Variants in COPB1 observed in about 807,000 individuals in gnomAD.
COPB1 encodes the protein coatomer subunit beta.
Under a neutral mutation model 108.7 loss-of-function variants are expected in COPB1, and 21 were observed. The observed-to-expected ratio is 0.19, with a 90% CI of 0.14 to 0.28. The LOEUF is 0.28. Among genes scored for constraint, COPB1 ranks in the 10% least tolerant of loss-of-function variants. COPB1 has a pLI of 1.00. For synonymous variants in COPB1, 378 were observed against 386.8 expected, an observed-to-expected ratio of 0.98 and a Z score of 0.27; for missense variants, 919 against 1,141.3, an observed-to-expected ratio of 0.81 and a Z score of 2.81.
intron 4 of COPB1, among the ~76,000 whole-genome samples, chr11:14,493,021 C>T (rs994910003): frequency 3.3e-5 from 5 of 152,072 alleles, no homozygotes; most frequent in African/African-American, 7.2e-5. Flanking sequence ...TGGTGGGTGC[C>T]TGTAATCCCA....
At position 14,494,331 on chromosome 11, in the gene COPB1, A is replaced by G; in HGVS notation, c.200T>C (p.Leu67Pro). Residue 67 changes from leucine to proline, a missense_variant, in exon 3 of 22, where the codon CTA (leucine) becomes CCA (proline). Coordinates refer to ENST00000439561, the MANE Select transcript of COPB1 (RefSeq NM_001144061.2). ...GLLMTIIRFV[L>P]PLQDHTIKKL... ...CTTGATAGTGTGATCCTGAAGAGGT[A>G]GCACAAAACGAATGATGGTCATCAG... The G allele has an allele frequency of 6.2e-7, 1 of 1,613,592 alleles. No individual in the cohort carries two copies. Among genetic ancestry groups the G allele is most frequent in the Non-Finnish European group, 8.5e-7 (1 of 1,179,566 alleles).
Position 14,457,597 on chromosome 11 carries a change from T to C in COPB1, c.*227A>G. On this transcript the variant is annotated 3_prime_UTR_variant, in exon 22 of 22. Transcript: ENST00000439561. ...GTACTGTGAAAAGGGTCTTGGTACATGAAACATTATATACTTTGAGGACAG... is the reference window on the plus strand; with the variant it reads ...GTACTGTGAAAAGGGTCTTGGTACACGAAACATTATATACTTTGAGGACAG... 1 of 393,782 alleles carries C rather than the reference T, an allele frequency of 2.5e-6. No individual in the cohort carries two copies. The highest frequency in any genetic ancestry group is 4.7e-6 in the Non-Finnish European group (1 of 210,804). 24.4% of individuals were successfully genotyped at this position (393,782 alleles called of 1,614,324 possible).
intron 16 of COPB1, 42 bp from the exon 17 acceptor site, chr11:14,466,468 A>C: frequency 6.3e-7 from 1 of 1,582,804 alleles, no homozygotes; most frequent in Non-Finnish European, 8.6e-7. Context: ...TGACAGATGC[A>C]ATTTCACCAA....
intron 17 of COPB1, among the ~76,000 whole-genome samples, chr11:14,465,630 T>A (rs1227606034): frequency 1.3e-5 from 2 of 152,228 alleles, no homozygotes; most frequent in African/African-American, 2.4e-5. Flanking sequence ...TAAAGACTTG[T>A]AAATGCTTAA....
Position 14,480,894 on chromosome 11 carries a change from G to C in COPB1, c.1077C>G (p.Val359=), listed in dbSNP as rs768163861. ...SSRNVEELVI[V]LKKEVIKTNN... is the part of the protein sequence containing the mutation. ...TTGTTTTTATCACTTCCTTCTTCAG[G>C]ACAATAACCAGCTTATAGAATGAAG... Residue 359 remains valine (V), a synonymous_variant, in exon 10 of 22, where the codon GTC becomes GTG. Transcript: ENST00000439561. The C allele has an allele frequency of 3.1e-6, 5 of 1,613,742 alleles. No homozygotes were observed. Among genetic ancestry groups the C allele is most frequent in the Non-Finnish European group, 3.4e-6 (4 of 1,179,850 alleles).
chr11:14,490,465 A>G (rs1038465688), intron 5 of COPB1, 100 bp downstream of exon 5: 18 of 653,552 alleles, frequency 2.8e-5, no homozygotes, highest in Non-Finnish European at 4.2e-5. Flanking sequence ...CACATGAACT[A>G]TAAACAAAAT....
At chr11:14,469,698 T>C (rs1301191376) in intron 14 of COPB1, 135 bp from the exon 15 acceptor site, 3 of 768,044 alleles carry the variant, frequency 3.9e-6, no homozygotes, top group Admixed American at 5.0e-5. Flanking sequence ...TTTATGTCCA[T>C]ATCTGTTTTT....
intron 7 of COPB1, among the ~76,000 whole-genome samples, chr11:14,484,525 C>A (rs1347710223): frequency 1.3e-5 from 2 of 152,140 alleles, no homozygotes; most frequent in Non-Finnish European, 2.9e-5. Flanking sequence ...CGAGACCATT[C>A]TGGCCAACAT....
chr11:14,474,271 T>A (rs937641383), intron 14 of COPB1: 1 of 324,610 alleles, frequency 3.1e-6, no homozygotes. Flanking sequence ...ATGACATTGT[T>A]ATTGTATTAC....
chr11:14,474,418 G>C lies in COPB1; in HGVS notation c.1737+77C>G, dbSNP rs1850472106. 3 of 1,305,730 alleles carry C rather than the reference G, an allele frequency of 2.3e-6. No homozygotes were observed. In the African/African-American group the frequency reaches 4.4e-5, roughly 19 times the overall value. The allele number at this position is 1,305,730 out of a possible 1,614,324, so 80.9% of individuals were successfully genotyped here. ...TGACAGAAACTTAGCATTAATTTTT[G>C]AGTCCCTCACTGTTCAATGCATATA... On this transcript the variant is annotated intron_variant, in intron 14 of 21. Coordinates refer to ENST00000439561, the MANE Select transcript of COPB1 (RefSeq NM_001144061.2).
intron 7 of COPB1, 112 bp downstream of exon 7, chr11:14,486,255 G>A: frequency 7.9e-7 from 1 of 1,263,138 alleles, no homozygotes; most frequent in Non-Finnish European, 1.1e-6. Context: ...TAAGTTTGTA[G>A]TTATTCTCTC....
chr11:14,486,432 G>A lies in COPB1; in HGVS notation c.772C>T (p.Pro258Ser), dbSNP rs749381035. 12 of 1,613,884 alleles carry A rather than the reference G, an allele frequency of 7.4e-6. No individual in the cohort carries two copies. Among genetic ancestry groups the A allele is most frequent in the Non-Finnish European group, 1.0e-5 (12 of 1,179,974 alleles). ...CIYNLLQSSS[P>S]AVKYEAAGTL... ...CCAGCAGCTTCATATTTTACAGCAG[G>A]GCTGGATGACTGTAATAAGTTATAG... Residue 258 changes from proline (P) to serine (S), a missense_variant, in exon 7 of 22, where the codon CCT (proline) becomes TCT (serine). Physicochemically the swap from Pro to Ser is moderately conservative, Grantham distance 74. Coordinates refer to ENST00000439561, the MANE Select transcript of COPB1 (RefSeq NM_001144061.2).
intron 10 of COPB1, 134 bp downstream of exon 10, chr11:14,480,625 G>A (rs1850640075): frequency 5.2e-6 from 4 of 766,810 alleles, no homozygotes; most frequent in Admixed American, 3.1e-5. Flanking sequence ...GGTAGAGGTA[G>A]ATATAAAGAT....
intron 8 of COPB1, among the ~76,000 whole-genome samples, chr11:14,481,985 T>A (rs1403694375): frequency 6.6e-6 from 1 of 151,978 alleles, no homozygotes; most frequent in Admixed American, 6.6e-5. Flanking sequence ...ACAGGGAGGG[T>A]TTCACCATAT....
intron 13 of COPB1, among the ~76,000 whole-genome samples, 162 bp from the exon 14 acceptor site, chr11:14,474,777 A>T (rs184304510): frequency 6.6e-6 from 1 of 152,294 alleles, no homozygotes; most frequent in Admixed American, 6.5e-5. Context: ...GAAAGAAGGA[A>T]AAAGAAAAAT....
At chr11:14,495,356 A>T (rs1850994292) in intron 2 of COPB1, among the ~76,000 whole-genome samples, 1 of 152,328 alleles carries the variant, frequency 6.6e-6, no homozygotes, top group South Asian at 2.1e-4. Flanking sequence ...TAGGGCCATT[A>T]TGAGGAAAAG....
chr11:14,472,159 G>GT (rs1346363614), intron 14 of COPB1, among the ~76,000 whole-genome samples: 2 of 152,176 alleles, frequency 1.3e-5, no homozygotes, highest in Admixed American at 6.5e-5. Context: ...TATGGATTCT[G>GT]TTTCTTAAAT....
intron 11 of COPB1, among the ~76,000 whole-genome samples, chr11:14,477,331 A>G (rs1850543408): frequency 7.1e-6 from 1 of 141,292 alleles, no homozygotes; most frequent in East Asian, 2.2e-4. Context: ...CGGAGCTTGC[A>G]GTGAGCCAAG....
At chr11:14,475,152 CA>C (rs1229830159) in intron 13 of COPB1, among the ~76,000 whole-genome samples, 2 of 141,656 alleles carry the variant, frequency 1.4e-5, no homozygotes, top group African/African-American at 5.2e-5. Context: ...CAAAAGCCAT[CA>C]GAATATGGAA....
Sources: gnomAD v4.1 joint callset for allele counts (sites outside exome capture counted in the v4.1 genomes callset) on GRCh38, gnomAD v4.1.1 for gene constraint, MANE v1.5 for transcripts, NCBI Gene and HGNC (gene_info 2026-07-23, HGNC 2026-07-21) for gene names.